ANKRD44: variants seen among roughly 807,000 people sequenced by gnomAD.
The protein encoded by ANKRD44 is serine/threonine-protein phosphatase 6 regulatory ankyrin repeat subunit B.
ANKRD44 carries 35 observed loss-of-function variants against 116.0 expected under a neutral mutation model. That is an observed-to-expected ratio of 0.30 (90% CI 0.23 to 0.40). The LOEUF is 0.40. Among genes scored for constraint, ANKRD44 ranks in the 10% least tolerant of loss-of-function variants. ANKRD44 has a pLI of 1.00. For synonymous variants in ANKRD44, 435 were observed against 461.8 expected (o/e 0.94, Z 0.74); for missense variants, 1,014 against 1,242.6 (o/e 0.82, Z 2.77).
Position 196,995,445 on chromosome 2 carries a change from G to T in ANKRD44, c.2765C>A (p.Ala922Asp). The change falls in exon 26 of 28, where the codon GCC (alanine) becomes GAC (aspartate). Residue 922 changes from alanine (A) to aspartate (D), a missense_variant. Physicochemically the swap from Ala to Asp is moderately radical, Grantham distance 126. Coordinates refer to ENST00000282272, the MANE Select transcript of ANKRD44 (RefSeq NM_001195144.2). ...TTGTATCTTGTCAAGTATTAACAAG[G>T]CACATTTTTCATGACCCTAATAAAG... ...LACSKGHEKCALLILDKIQDE... is the reference protein window; with the variant it reads ...LACSKGHEKCDLLILDKIQDE... The T allele has an allele frequency of 6.2e-7, 1 of 1,609,744 alleles. No individual in the cohort carries two copies. The highest frequency in any genetic ancestry group is 1.1e-5 in the South Asian group (1 of 89,978).
At chr2:197,244,288 T>C (rs889105150) in intron 1 of ANKRD44, among the ~76,000 whole-genome samples, 2 of 152,210 alleles carry the variant, frequency 1.3e-5, no homozygotes, top group Admixed American at 1.3e-4. Context: ...TATAGTGTAA[T>C]GGGAAAATTG....
At chr2:197,020,817 ACTT>A (rs1405286379) in intron 17 of ANKRD44, among the ~76,000 whole-genome samples, 4 of 140,846 alleles carry the variant, frequency 2.8e-5, no homozygotes, top group African/African-American at 1.3e-4. Context: ...TTATTATTAT[ACTT>A]TAAGTTCTAG....
chr2:197,261,707 G>A (rs1218852125), intron 1 of ANKRD44, among the ~76,000 whole-genome samples: 3 of 152,164 alleles, frequency 2.0e-5, no homozygotes, highest in African/African-American at 7.2e-5. Flanking sequence ...TGTTTAAGGA[G>A]TGATAACAAG....
intron 1 of ANKRD44, among the ~76,000 whole-genome samples, chr2:197,286,369 C>CTT (rs763446070): frequency 8.1e-6 from 1 of 123,608 alleles, no homozygotes; most frequent in Non-Finnish European, 1.7e-5. Flanking sequence ...ACTTCTTCTA[C>CTT]TTTTTTTTTT....
chr2:197,101,048 A>G (rs2078281571), intron 9 of ANKRD44, among the ~76,000 whole-genome samples: 1 of 152,192 alleles, frequency 6.6e-6, no homozygotes, highest in Non-Finnish European at 1.5e-5. Flanking sequence ...TTACCCAAGA[A>G]ATTTAACATT....
chr2:197,126,127 T>G (rs1447876671), intron 4 of ANKRD44, 90 bp from the exon 5 acceptor site: 1 of 1,380,754 alleles, frequency 7.2e-7, no homozygotes, highest in Admixed American at 1.8e-5. Context: ...CCTGGAACTA[T>G]GGAGAGAAAG....
At chr2:196,973,774 A>G (rs1322730938) in intron 21 of ANKRD44, among the ~76,000 whole-genome samples, 1 of 152,206 alleles carries the variant, frequency 6.6e-6, no homozygotes, top group African/African-American at 2.4e-5. Flanking sequence ...TATACAGACC[A>G]TATCATTCCT....
At chr2:197,198,396 A>G (rs2081010374) in intron 1 of ANKRD44, among the ~76,000 whole-genome samples, 1 of 152,178 alleles carries the variant, frequency 6.6e-6, no homozygotes, top group African/African-American at 2.4e-5. Context: ...GTGTCATAAC[A>G]AGTTAGGAAA....
At chr2:197,116,417 G>A (rs576612010) in intron 8 of ANKRD44, among the ~76,000 whole-genome samples, 13 of 152,284 alleles carry the variant, frequency 8.5e-5, no homozygotes, top group African/African-American at 2.9e-4. Flanking sequence ...TTTTGGGAAC[G>A]CTGGCAGTTT....
chr2:197,273,943 A>G (rs1185405036), intron 1 of ANKRD44, among the ~76,000 whole-genome samples: 2 of 133,512 alleles, frequency 1.5e-5, no homozygotes, highest in Non-Finnish European at 3.1e-5. Context: ...TCTACCTGTA[A>G]GCTAGTCAAC....
At chr2:197,217,557 C>T (rs977508246) in intron 1 of ANKRD44, among the ~76,000 whole-genome samples, 20 of 152,182 alleles carry the variant, frequency 1.3e-4, no homozygotes, top group Non-Finnish European at 1.9e-4. Flanking sequence ...ATCTGAAAAA[C>T]ACTTGAAATT....
rs75702337 is a variant in ANKRD44, at chr2:197,235,827, A to G, written c.28-48721T>C. Among the ~76,000 whole-genome samples, 830 of 152,276 alleles carry G rather than the reference A, an allele frequency of 5.5e-3. 1 individual carries two copies. The highest frequency in any genetic ancestry group is 0.01 in the Non-Finnish European group (689 of 68,022). On this transcript the variant is annotated intron_variant, in intron 1 of 27. Transcript: ENST00000282272. ...GGTACAAAAATGAATGGTGCAGACA[A>G]TAAGTGCTCTAGAAGGAATTCTCAG...
rs192677946 is a variant in ANKRD44 at position 197,241,030 on chromosome 2, C to T, written c.28-53924G>A. 2.0e-5 allele frequency among the ~76,000 whole-genome samples: 3 copies of T among 151,838 alleles called. No homozygotes were observed. The East Asian group carries it at 5.8e-4, about 29-fold the overall frequency. Reference sequence around the variant, plus strand: ...GTATGCAAAATCTTGTAATGCAGCCCACAGTAATCATGCATTTTAAGTCTA... The same window carrying T: ...GTATGCAAAATCTTGTAATGCAGCCTACAGTAATCATGCATTTTAAGTCTA... On this transcript the variant is annotated intron_variant, in intron 1 of 27. Coordinates refer to ENST00000282272, the MANE Select transcript of ANKRD44 (RefSeq NM_001195144.2).
chr2:197,042,751 T>G (rs2076934335), intron 16 of ANKRD44, among the ~76,000 whole-genome samples: 1 of 152,246 alleles, frequency 6.6e-6, no homozygotes, highest in Non-Finnish European at 1.5e-5. Context: ...GAGAACTGAC[T>G]AAACCTTTTC....
At chr2:197,079,845 G>T (rs543349301) in intron 15 of ANKRD44, among the ~76,000 whole-genome samples, 1 of 151,822 alleles carries the variant, frequency 6.6e-6, no homozygotes, top group African/African-American at 2.4e-5. Context: ...AAGGCAAAAC[G>T]AAAAAAGTCA....
At chr2:197,255,101 T>C (rs1317082118) in intron 1 of ANKRD44, among the ~76,000 whole-genome samples, 1 of 152,212 alleles carries the variant, frequency 6.6e-6, no homozygotes, top group African/African-American at 2.4e-5. Context: ...GGTCAGTCTC[T>C]CTTTGGCTGA....
At chr2:197,190,060 C>T (rs2080785945) in intron 1 of ANKRD44, among the ~76,000 whole-genome samples, 1 of 152,138 alleles carries the variant, frequency 6.6e-6, no homozygotes, top group African/African-American at 2.4e-5. Flanking sequence ...CTGCTAAAAG[C>T]TACTTTATAG....
intron 1 of ANKRD44, among the ~76,000 whole-genome samples, chr2:197,246,350 C>CTTTGTTTTTTT (rs2082190858): frequency 1.5e-5 from 1 of 65,874 alleles, no homozygotes; most frequent in African/African-American, 6.7e-5. Flanking sequence ...CTACATCTGG[C>CTTTGTTTTTTT]TTTTTTTTTT....
At chr2:197,296,359 T>G (rs1003070051) in intron 1 of ANKRD44, 1 of 152,242 alleles carries the variant, frequency 6.6e-6, no homozygotes, top group Non-Finnish European at 1.5e-5. Flanking sequence ...GTTGTTTCTT[T>G]TGCAGTGTAA....
Sources: gnomAD v4.1 joint callset for allele counts (sites outside exome capture counted in the v4.1 genomes callset) on GRCh38, gnomAD v4.1.1 for gene constraint, MANE v1.5 for transcripts, NCBI Gene and HGNC (gene_info 2026-07-23, HGNC 2026-07-21) for gene names.